CHSY1: variants seen among roughly 807,000 people sequenced by gnomAD.
CHSY1 encodes the protein chondroitin sulfate synthase 1.
A neutral mutation model predicts 59.8 loss-of-function variants in CHSY1; 13 were observed. The observed-to-expected ratio is 0.22, with a 90% confidence interval of 0.14 to 0.35. The LOEUF is 0.35. Ranked by LOEUF, CHSY1 falls within the 10% of genes least tolerant of loss-of-function variation. The pLI, the probability that CHSY1 is intolerant of heterozygous loss-of-function variation, is 1.00. For synonymous variants in CHSY1, 459 were observed against 401.2 expected, an observed-to-expected ratio of 1.14 and a Z score of -1.72; for missense variants, 947 against 1,030.6, an observed-to-expected ratio of 0.92 and a Z score of 1.11.
At chr15:101,225,017 A>G (rs1405091977) in intron 2 of CHSY1, among the ~76,000 whole-genome samples, 1 of 152,218 alleles carries the variant, frequency 6.6e-6, no homozygotes. Flanking sequence ...GGCCCAGGCA[A>G]CGAGAGTGCC....
chr15:101,200,332 A>G (rs1596438957), intron 2 of CHSY1, among the ~76,000 whole-genome samples: 1 of 152,320 alleles, frequency 6.6e-6, no homozygotes, highest in East Asian at 1.9e-4. Context: ...TGCATTTCAC[A>G]TGACGGGTAA....
rs745582489 is a variant in CHSY1 at position 101,177,423 on chromosome 15, T to G, written c.2374A>C (p.Ser792Arg). The change falls in exon 3 of 3, where the codon AGC becomes CGC. Residue 792 changes from serine (S) to arginine (R), a missense_variant. Physicochemically the swap from Ser to Arg is moderately radical, Grantham distance 110. Transcript: ENST00000254190. ...CTCACTGAGCCATTATTATTGCTGCTTTTACTGTAACTTGGATCATTTTTT... is the reference window on the plus strand; with the variant it reads ...CTCACTGAGCCATTATTATTGCTGCGTTTACTGTAACTTGGATCATTTTTT... ...LEKNDPSYSKSSNNNGSVRTA is the reference protein window; with the variant it reads ...LEKNDPSYSKRSNNNGSVRTA The G allele has an allele frequency of 6.2e-7, 1 of 1,613,618 alleles. No individual in the cohort carries two copies. Among genetic ancestry groups the G allele is most frequent in the Non-Finnish European group, 8.5e-7 (1 of 1,179,830 alleles).
rs1354267294 is a variant in CHSY1 at position 101,176,095 on chromosome 15, A to G, written c.*1293T>C. 2.5e-6 allele frequency: 1 copy of G among 396,772 alleles called. No individual in the cohort carries two copies. The highest frequency in any genetic ancestry group is 4.4e-6 in the Non-Finnish European group (1 of 225,298). 24.6% of individuals were successfully genotyped at this position (396,772 alleles called of 1,614,324 possible). On this transcript the variant is annotated 3_prime_UTR_variant, in exon 3 of 3. Transcript: ENST00000254190. ...GAATATAAAAATTAAGGAGGGGAAA[A>G]AGCGTTTCCAAAAGGAAATCTTTGG... is the stretch of plus-strand genomic sequence containing the variant.
chr15:101,227,236 C>G (rs773915275), intron 2 of CHSY1, among the ~76,000 whole-genome samples: 2 of 152,144 alleles, frequency 1.3e-5, no homozygotes, highest in Non-Finnish European at 2.9e-5. Context: ...TTAGAGGGGT[C>G]AAAGAGGGGC....
At chr15:101,250,247 CAGTA>C (rs1402042231) in intron 1 of CHSY1, among the ~76,000 whole-genome samples, 4 of 152,214 alleles carry the variant, frequency 2.6e-5, no homozygotes, top group Non-Finnish European at 4.4e-5. Context: ...TTTATCCATA[CAGTA>C]AGTGTCTCTA....
intron 1 of CHSY1, among the ~76,000 whole-genome samples, chr15:101,242,957 A>G (rs980015444): frequency 6.6e-6 from 1 of 152,232 alleles, no homozygotes; most frequent in African/African-American, 2.4e-5. Flanking sequence ...GAATGGTGGG[A>G]AAATTATTTT....
At chr15:101,249,002 A>G (rs1318217130) in intron 1 of CHSY1, among the ~76,000 whole-genome samples, 1 of 130,652 alleles carries the variant, frequency 7.7e-6, no homozygotes, top group East Asian at 2.2e-4. Context: ...ATGGGGTTTC[A>G]CCGTGTTAGC....
intron 1 of CHSY1, among the ~76,000 whole-genome samples, chr15:101,249,568 C>G (rs1309281678): frequency 1.5e-5 from 2 of 133,662 alleles, no homozygotes; most frequent in Non-Finnish European, 3.0e-5. Flanking sequence ...GGCTGGAGTG[C>G]AGTGGCATGA....
chr15:101,181,218 T>G (rs1413572990), intron 2 of CHSY1, among the ~76,000 whole-genome samples: 1 of 152,184 alleles, frequency 6.6e-6, no homozygotes, highest in Non-Finnish European at 1.5e-5. Flanking sequence ...AGGAAGGCTC[T>G]TCCACGGCAG....
At chr15:101,208,849 G>A (rs1306923759) in intron 2 of CHSY1, among the ~76,000 whole-genome samples, 1 of 152,126 alleles carries the variant, frequency 6.6e-6, no homozygotes, top group Non-Finnish European at 1.5e-5. Context: ...ATACAAGAGT[G>A]TATACTCATA....
At chr15:101,204,507 T>C (rs1406831376) in intron 2 of CHSY1, among the ~76,000 whole-genome samples, 1 of 151,510 alleles carries the variant, frequency 6.6e-6, no homozygotes, top group African/African-American at 2.4e-5. Flanking sequence ...GCTGATGTGG[T>C]AAATATTAAT....
chr15:101,192,518 C>T (rs567732810), intron 2 of CHSY1, among the ~76,000 whole-genome samples: 10 of 152,284 alleles, frequency 6.6e-5, no homozygotes, highest in East Asian at 1.9e-4. Context: ...CCCAACTCCC[C>T]CCACTCCCAA....
rs146600779 is a variant in CHSY1, at chr15:101,243,606, C to G, written c.320+7531G>C. On this transcript the variant is annotated intron_variant, in intron 1 of 2. Transcript: ENST00000254190. Reference sequence around the variant, plus strand: ...CACCCACATCACTTTTCCAGGCTCACGGACACTGCTAAGGCTGAACAAACA... The same window carrying G: ...CACCCACATCACTTTTCCAGGCTCAGGGACACTGCTAAGGCTGAACAAACA... Among the ~76,000 whole-genome samples the G allele has an allele frequency of 4.6e-3, 704 of 152,342 alleles. 23 individuals carry two copies. The highest frequency in any genetic ancestry group is 0.042 in the Admixed American group (640 of 15,306).
At position 101,189,488 on chromosome 15, in the gene CHSY1, C is replaced by G. The variant is rs1029278647; in HGVS notation, c.817-10508G>C. On this transcript the variant is annotated intron_variant, in intron 2 of 2. Transcript: ENST00000254190. ...CTCGGGGGGACCAGGACGTGCCACA[C>G]AGGCCCAGTGCAGCCGGGTTTAAAG... 12 of 985,384 alleles carry G rather than the reference C, an allele frequency of 1.2e-5. No individual in the cohort carries two copies. In the African/African-American group the frequency reaches 2.1e-4, roughly 17 times the overall value. 61.0% of individuals were successfully genotyped at this position (985,384 alleles called of 1,614,324 possible). A position where few individuals can be genotyped will look rare whatever the true frequency, so the allele number is the denominator to read the frequency against.
intron 1 of CHSY1, among the ~76,000 whole-genome samples, chr15:101,239,714 T>TATGTTTCTGGCTA (rs113892335): frequency 1.3e-5 from 2 of 151,882 alleles, no homozygotes; most frequent in East Asian, 3.9e-4. Flanking sequence ...AAATGCTTCT[T>TATGTTTCTGGCTA]AAAACCTGAG....
At chr15:101,240,371 A>C (rs1596454825) in intron 1 of CHSY1, among the ~76,000 whole-genome samples, 1 of 152,214 alleles carries the variant, frequency 6.6e-6, no homozygotes, top group Admixed American at 6.5e-5. Flanking sequence ...AATATCAACA[A>C]GTCCAGTTCC....
intron 1 of CHSY1, among the ~76,000 whole-genome samples, chr15:101,245,140 C>T (rs146378397): frequency 1.3e-5 from 2 of 152,320 alleles, no homozygotes; most frequent in African/African-American, 4.8e-5. Context: ...TACTGTCCTG[C>T]CGAAATGTCA....
At chr15:101,240,485 C>A (rs924329240) in intron 1 of CHSY1, among the ~76,000 whole-genome samples, 4 of 152,172 alleles carry the variant, frequency 2.6e-5, no homozygotes, top group Admixed American at 6.5e-5. Context: ...AGAGGCCTTG[C>A]CAGAAAAAGC....
chr15:101,199,713 A>T (rs1414075135), intron 2 of CHSY1, among the ~76,000 whole-genome samples: 4 of 152,220 alleles, frequency 2.6e-5, no homozygotes, highest in Non-Finnish European at 4.4e-5. Flanking sequence ...TATTCAAGTT[A>T]GATGAAAAAC....
Sources: gnomAD v4.1 joint callset for allele counts (sites outside exome capture counted in the v4.1 genomes callset) on GRCh38, gnomAD v4.1.1 for gene constraint, MANE v1.5 for transcripts, NCBI Gene and HGNC (gene_info 2026-07-23, HGNC 2026-07-21) for gene names.